CDH13: variants seen among roughly 807,000 people sequenced by gnomAD.
CDH13 encodes the protein cadherin 13, also known as cadherin-13.
In CDH13, 24 loss-of-function variants were observed where a neutral mutation model predicts 63.8. The ratio of observed to expected loss-of-function variants is 0.38; its 90% CI spans 0.27 to 0.53. CDH13 has a LOEUF of 0.53. CDH13 is among the 20% of genes least tolerant of loss of function. The pLI is 0.85. For missense variants in CDH13, 1,049 were observed against 903.1 expected (o/e 1.16, Z -2.07); for synonymous variants, 503 against 355.3 (o/e 1.42, Z -4.67).
intron 5 of CDH13, among the ~76,000 whole-genome samples, chr16:83,336,789 T>C (rs765183442): frequency 6.4e-4 from 98 of 152,248 alleles, no homozygotes; most frequent in Non-Finnish European, 3.5e-4. Context: ...TGTGTCATGC[T>C]TTGTTTCTGA....
In CDH13 at chr16:83,130,208, A is replaced by G. The variant is rs55970390; in HGVS notation, c.483+4707A>G. On this transcript the variant is annotated intron_variant, in intron 4 of 13. Transcript: ENST00000567109. ...CTGTGCTAAGCACTTTTCATCTATT[A>G]TGTTGAATTCTTATGATAACAACCA... Among the ~76,000 whole-genome samples the G allele has an allele frequency of 2.6e-3, 399 of 152,326 alleles. 1 individual carries two copies. Among genetic ancestry groups the G allele is most frequent in the Middle Eastern group, 6.8e-3 (2 of 294 alleles).
intron 9 of CDH13, among the ~76,000 whole-genome samples, chr16:83,677,469 C>G (rs775746038): frequency 6.6e-6 from 1 of 151,754 alleles, no homozygotes; most frequent in Non-Finnish European, 1.5e-5. Context: ...GTAGAGCCCT[C>G]GAGTCAATTG....
chr16:83,765,374 T>C (rs1398058219), intron 11 of CDH13, among the ~76,000 whole-genome samples: 1 of 152,204 alleles, frequency 6.6e-6, no homozygotes, highest in Non-Finnish European at 1.5e-5. Flanking sequence ...TGTACAACAG[T>C]TTAGTTTTAC....
intron 2 of CDH13, among the ~76,000 whole-genome samples, chr16:82,864,845 G>A (rs2040069149): frequency 6.6e-6 from 1 of 152,178 alleles, no homozygotes; most frequent in Admixed American, 6.5e-5. Flanking sequence ...AGTCTCAACT[G>A]AGACAAGGCA....
rs180902737 is a variant in CDH13, at chr16:82,720,282, A to G, written c.45+93145A>G. ...AAAACAAACAATTCCAACTAATGGC[A>G]GACTGACTGAGTGCTTTCTTACTGC... On this transcript the variant is annotated intron_variant, in intron 1 of 13. Coordinates refer to ENST00000567109, the MANE Select transcript of CDH13 (RefSeq NM_001257.5). Among the ~76,000 whole-genome samples, 3 of 152,356 alleles carry G rather than the reference A, an allele frequency of 2.0e-5. No homozygotes were observed. The East Asian group carries it at 5.8e-4, about 29-fold the overall frequency.
intron 5 of CDH13, among the ~76,000 whole-genome samples, chr16:83,318,908 C>T: frequency 6.6e-6 from 1 of 151,924 alleles, no homozygotes; most frequent in East Asian, 1.9e-4. Flanking sequence ...AAGACCTTGT[C>T]CCTACCTCTG....
intron 3 of CDH13, among the ~76,000 whole-genome samples, chr16:83,083,326 C>T (rs1316175894): frequency 3.9e-5 from 6 of 152,056 alleles, no homozygotes; most frequent in South Asian, 4.2e-4. Flanking sequence ...AACTCTATAC[C>T]GTACAGTATA....
chr16:83,361,494 A>T (rs2091161586), intron 6 of CDH13, among the ~76,000 whole-genome samples: 1 of 152,146 alleles, frequency 6.6e-6, no homozygotes, highest in African/African-American at 2.4e-5. Context: ...TTAGCCATAA[A>T]TTATTTCCCA....
Position 83,125,377 on chromosome 16 carries a change from C to G in CDH13, c.367-8C>G, listed in dbSNP as rs535657828. On this transcript the variant is annotated splice_region_variant and splice_polypyrimidine_tract_variant and intron_variant, in intron 3 of 13. Transcript: ENST00000567109. ...GATTTTAATCAATCCTTTTGTTTTC[C>G]CTTTTAGGATATATTTAAATTTGCA... 45 of 1,424,966 alleles carry G rather than the reference C, an allele frequency of 3.2e-5. No homozygotes were observed. The highest frequency in any genetic ancestry group is 4.5e-5 in the Non-Finnish European group (45 of 1,009,468). The allele number at this position is 1,424,966 out of a possible 1,614,324, so 88.3% of individuals were successfully genotyped here. A position where few individuals can be genotyped will look rare whatever the true frequency, so the allele number is the denominator to read the frequency against.
At chr16:82,662,639 G>T (rs554946232) in intron 1 of CDH13, among the ~76,000 whole-genome samples, 2 of 152,270 alleles carry the variant, frequency 1.3e-5, no homozygotes, top group African/African-American at 4.8e-5. Flanking sequence ...GTTGTTGTAG[G>T]ACAACAAATG....
intron 6 of CDH13, among the ~76,000 whole-genome samples, chr16:83,360,617 A>G (rs1181969624): frequency 1.3e-5 from 2 of 152,060 alleles, no homozygotes; most frequent in African/African-American, 2.4e-5. Flanking sequence ...TCTCACCAGC[A>G]CCCTCCGCTA....
intron 5 of CDH13, among the ~76,000 whole-genome samples, chr16:83,218,870 A>C (rs1218471758): frequency 6.6e-6 from 1 of 152,110 alleles, no homozygotes; most frequent in African/African-American, 2.4e-5. Context: ...GATAGTGAAT[A>C]AGTCTCATGA....
chr16:83,309,009 C>T (rs1313001308), intron 5 of CDH13, among the ~76,000 whole-genome samples: 1 of 152,172 alleles, frequency 6.6e-6, no homozygotes, highest in African/African-American at 2.4e-5. Flanking sequence ...CCCTTGTGTC[C>T]TAAATCATTC....
chr16:82,803,253 T>G (rs2036961849), intron 1 of CDH13, among the ~76,000 whole-genome samples: 1 of 152,170 alleles, frequency 6.6e-6, no homozygotes, highest in Admixed American at 6.6e-5. Context: ...CGTGGAGAGG[T>G]AAAAGACATA....
At chr16:82,638,613 G>A (rs993088671) in intron 1 of CDH13, among the ~76,000 whole-genome samples, 7 of 152,040 alleles carry the variant, frequency 4.6e-5, no homozygotes, top group African/African-American at 1.5e-4. Context: ...CTTAAGGGGG[G>A]AAATGACTGT....
intron 7 of CDH13, among the ~76,000 whole-genome samples, chr16:83,505,542 T>G (rs867699705): frequency 0.027 from 3,942 of 144,202 alleles, 313 homozygotes; most frequent in African/African-American, 0.092. Flanking sequence ...TTTTTTTTTT[T>G]TTTTTTTTTT....
At chr16:82,965,640 C>A (rs533357326) in intron 2 of CDH13, among the ~76,000 whole-genome samples, 1 of 152,224 alleles carries the variant, frequency 6.6e-6, no homozygotes, top group Admixed American at 6.5e-5. Context: ...AAGGGATTCT[C>A]CTGCCATGGC....
intron 1 of CDH13, among the ~76,000 whole-genome samples, chr16:82,785,421 A>G (rs952344746): frequency 5.3e-5 from 8 of 152,198 alleles, no homozygotes; most frequent in Non-Finnish European, 1.0e-4. Flanking sequence ...TGGAGCTCAA[A>G]TTCACCCTCA....
At chr16:82,666,006 T>A (rs570038915) in intron 1 of CDH13, among the ~76,000 whole-genome samples, 7 of 152,294 alleles carry the variant, frequency 4.6e-5, no homozygotes, top group African/African-American at 1.4e-4. Context: ...AAAACTGTTG[T>A]CTAGTCATTC....
Sources: allele counts gnomAD v4.1 joint callset (sites outside exome capture counted in the v4.1 genomes callset), GRCh38; gene constraint gnomAD v4.1.1; transcripts MANE v1.5; gene names NCBI Gene and HGNC (gene_info 2026-07-23, HGNC 2026-07-21).